Variants in SEC24D observed in about 807,000 individuals in gnomAD.
SEC24D encodes the protein protein transport protein Sec24D.
A neutral mutation model predicts 116.9 loss-of-function variants in SEC24D; 69 were observed. The ratio of observed to expected loss-of-function variants is 0.59; its 90% confidence interval spans 0.49 to 0.72. The LOEUF (loss-of-function observed/expected upper bound fraction) is 0.72. Among genes scored for constraint, SEC24D ranks in the 30% least tolerant of loss-of-function variants. SEC24D has a pLI of 0.00. For synonymous variants in SEC24D, 405 were observed against 442.8 expected, an observed-to-expected ratio of 0.91 and a Z score of 1.07; for missense variants, 1,131 against 1,264.1, an observed-to-expected ratio of 0.89 and a Z score of 1.60.
intron 8 of SEC24D, among the ~76,000 whole-genome samples, chr4:118,770,865 T>C (rs1302950997): frequency 2.0e-5 from 3 of 152,174 alleles, no homozygotes; most frequent in Non-Finnish European, 2.9e-5. Context: ...TTAAATACAC[T>C]TACAGTTTTT....
chr4:118,742,376 G>T (rs542435086), intron 15 of SEC24D, among the ~76,000 whole-genome samples: 5 of 151,916 alleles, frequency 3.3e-5, no homozygotes, highest in East Asian at 3.9e-4. Context: ...GGAAAAGTGG[G>T]GGGGGGAAAG....
intron 1 of SEC24D, among the ~76,000 whole-genome samples, chr4:118,834,773 T>C (rs761148520): frequency 2.0e-4 from 31 of 152,314 alleles, no homozygotes; most frequent in African/African-American, 6.0e-4. Context: ...ATCTCCAGTT[T>C]ATTTGCCCCA....
Position 118,731,380 on chromosome 4 carries a change from C to T in SEC24D, c.2804G>A (p.Ser935Asn). Residue 935 changes from serine (S) to asparagine (N), a missense_variant, in exon 21 of 23, where the codon AGC becomes AAC. Transcript: ENST00000280551. ...TATTCCTTGGATCAGTTCTGGTGGG[C>T]TGCTTACTCCCAACCACAGGAACAT... is the stretch of plus-strand genomic sequence containing the variant. ...LHMFLWLGVS[S>N]PPELIQGIFN... 1 of 1,613,998 alleles carries T rather than the reference C, an allele frequency of 6.2e-7. No individual in the cohort carries two copies. The highest frequency in any genetic ancestry group is 8.5e-7 in the Non-Finnish European group (1 of 1,179,916).
chr4:118,827,599 T>G (rs1257634723), intron 2 of SEC24D, among the ~76,000 whole-genome samples: 2 of 152,182 alleles, frequency 1.3e-5, no homozygotes, highest in Non-Finnish European at 2.9e-5. Context: ...TGCCTTACAA[T>G]TTGTTTTGCC....
intron 2 of SEC24D, 30 bp from the exon 3 acceptor site, chr4:118,824,779 G>A (rs1730531116): frequency 6.5e-7 from 1 of 1,542,422 alleles, no homozygotes; most frequent in Non-Finnish European, 8.7e-7. Context: ...ATTTAGAAGT[G>A]TATTAAAGTA....
Position 118,744,218 on chromosome 4 carries a change from A to AT in SEC24D, c.1825-61dup. On this transcript the variant is annotated intron_variant, in intron 14 of 22. Transcript: ENST00000280551. ...AAATTACAAAATGTTTTTGGTTTAA[A>AT]TTTTAAATTTCTATTGAATTCTTAT... 2.2e-6 allele frequency: 3 copies of AT among 1,387,338 alleles called. 1 individual carries two copies. Among genetic ancestry groups the AT allele is most frequent in the Non-Finnish European group, 1.9e-6 (2 of 1,041,802 alleles). The allele number at this position is 1,387,338 out of a possible 1,614,324, so 85.9% of individuals were successfully genotyped here. A position where few individuals can be genotyped will look rare whatever the true frequency, so the allele number is the denominator to read the frequency against.
intron 8 of SEC24D, among the ~76,000 whole-genome samples, chr4:118,789,835 T>C (rs912582788): frequency 1.8e-4 from 28 of 152,262 alleles, no homozygotes; most frequent in Admixed American, 3.3e-4. Context: ...CCACCCACCT[T>C]GGCCTCCCAA....
rs754315464 is a variant in SEC24D at position 118,731,468 on chromosome 4, C to T, written c.2716G>A (p.Val906Ile). 5.2e-5 allele frequency: 84 copies of T among 1,613,926 alleles called. No individual in the cohort carries two copies. Among genetic ancestry groups the T allele is most frequent in the South Asian group, 2.2e-4 (20 of 91,084 alleles). Reference protein sequence around the residue: ...DVKSTMLPAAVRCSESRLSEE... With the variant: ...DVKSTMLPAAIRCSESRLSEE... ...GAAAGACGGGACTCAGAGCAACGAA[C>T]GGCAGCAGGTAACATTGTACTCTTG... The change falls in exon 21 of 23, where the codon GTT (valine) becomes ATT (isoleucine). Residue 906 changes from valine (V) to isoleucine (I), a missense_variant. By Grantham distance (29) the Val-to-Ile change is conservative. Coordinates refer to ENST00000280551, the MANE Select transcript of SEC24D (RefSeq NM_014822.4).
chr4:118,735,148 G>A (rs1341001327), intron 19 of SEC24D, among the ~76,000 whole-genome samples: 1 of 152,134 alleles, frequency 6.6e-6, no homozygotes, highest in African/African-American at 2.4e-5. Flanking sequence ...ACACTATTGG[G>A]ACTAAAAAGT....
chr4:118,824,866 C>A, intron 2 of SEC24D, 117 bp from the exon 3 acceptor site: 1 of 909,690 alleles, frequency 1.1e-6, no homozygotes, highest in Non-Finnish European at 1.6e-6. Context: ...TGGATTAGAA[C>A]AAAATCTCTT....
In SEC24D at chr4:118,801,119, G is replaced by A. The variant is rs578176831; in HGVS notation, c.914-3309C>T. Among the ~76,000 whole-genome samples, 54 of 152,012 alleles carry A rather than the reference G, an allele frequency of 3.6e-4. No homozygotes were observed. In the South Asian group the frequency reaches 7.9e-3, roughly 22 times the overall value. ...TATTAAAAATACAAAAAAATCAGCC[G>A]GGCATGGTGGCGGGCACCTGTAGTC... On this transcript the variant is annotated intron_variant, in intron 7 of 22. Coordinates refer to ENST00000280551, the MANE Select transcript of SEC24D (RefSeq NM_014822.4).
At chr4:118,825,538 G>T in intron 2 of SEC24D, 1 of 455,964 alleles carries the variant, frequency 2.2e-6, no homozygotes, top group Non-Finnish European at 4.4e-6. Context: ...TTGGGTTAGA[G>T]TAGTTCAAGG....
intron 8 of SEC24D, among the ~76,000 whole-genome samples, chr4:118,779,172 T>C (rs1401559078): frequency 6.6e-6 from 1 of 152,212 alleles, no homozygotes; most frequent in African/African-American, 2.4e-5. Flanking sequence ...GGCATCTCTG[T>C]CTTGTGCCAG....
chr4:118,769,802 A>G (rs1727812285), intron 8 of SEC24D: 1 of 152,148 alleles, frequency 6.6e-6, no homozygotes, highest in Admixed American at 6.6e-5. Flanking sequence ...TTTCTTGTTT[A>G]TGGTCGCTTC....
chr4:118,731,452 GA>G lies in SEC24D; in HGVS notation c.2731del (p.Ser911ProfsTer23), dbSNP rs768490322. On this transcript the variant is annotated frameshift_variant, in exon 21 of 23. Coordinates refer to ENST00000280551, the MANE Select transcript of SEC24D (RefSeq NM_014822.4). LOFTEE classifies it high-confidence loss of function. Reference sequence around the variant, plus strand: ...GAATATTCCTTCTTCTGAAAGACGGGACTCAGAGCAACGAACGGCAGCAGGT... The same window carrying G: ...GAATATTCCTTCTTCTGAAAGACGGGCTCAGAGCAACGAACGGCAGCAGGT... ...MLPAAVRCSE[S>X]RLSEEGIFLL... The G allele has an allele frequency of 1.5e-5, 25 of 1,613,948 alleles. No homozygotes were observed. The highest frequency in any genetic ancestry group is 2.1e-5 in the Non-Finnish European group (25 of 1,179,984).
chr4:118,811,035 G>A (rs1032702872), intron 6 of SEC24D, among the ~76,000 whole-genome samples: 1 of 152,216 alleles, frequency 6.6e-6, no homozygotes, highest in African/African-American at 2.4e-5. Context: ...GCTGAGAATT[G>A]ACCATTAGAT....
intron 7 of SEC24D, among the ~76,000 whole-genome samples, chr4:118,798,698 A>G (rs886762941): frequency 5.3e-5 from 8 of 152,242 alleles, no homozygotes; most frequent in Non-Finnish European, 8.8e-5. Flanking sequence ...TGAAAAAAGC[A>G]TATCTAGTGA....
At chr4:118,727,920 T>C (rs915458988) in intron 22 of SEC24D, among the ~76,000 whole-genome samples, 1 of 152,122 alleles carries the variant, frequency 6.6e-6, no homozygotes, top group African/African-American at 2.4e-5. Flanking sequence ...ATAAATACCC[T>C]GGCACTTGTA....
intron 21 of SEC24D, chr4:118,729,834 C>T (rs1214597874): frequency 1.3e-5 from 2 of 152,164 alleles, no homozygotes; most frequent in Non-Finnish European, 2.9e-5. Flanking sequence ...ATGTTTTTCA[C>T]AGGAGTAAGG....
Sources: allele counts gnomAD v4.1 joint callset (sites outside exome capture counted in the v4.1 genomes callset), GRCh38; gene constraint gnomAD v4.1.1; transcripts MANE v1.5; gene names NCBI Gene and HGNC (gene_info 2026-07-23, HGNC 2026-07-21).